Variants in EIF4E3 observed in about 807,000 individuals in gnomAD.
EIF4E3 encodes eukaryotic translation initiation factor 4E family member 3, also known as eukaryotic translation initiation factor 4E type 3.
A neutral mutation model predicts 31.7 loss-of-function variants in EIF4E3; 26 were observed. That is an observed-to-expected ratio of 0.82 (90% CI 0.60 to 1.14). EIF4E3 has a LOEUF of 1.14. EIF4E3 is among the 50% of genes most tolerant of loss of function. EIF4E3 has a pLI of 0.00. For missense variants in EIF4E3, 304 were observed against 270.9 expected, an observed-to-expected ratio of 1.12 and a Z score of -0.86; for synonymous variants, 128 against 107.7, an observed-to-expected ratio of 1.19 and a Z score of -1.17.
chr3:71,720,702 G>T (rs888945441), intron 1 of EIF4E3, among the ~76,000 whole-genome samples: 1 of 152,170 alleles, frequency 6.6e-6, no homozygotes, highest in Non-Finnish European at 1.5e-5. Context: ...GGTAAGATAA[G>T]GCGTATGTTT....
intron 5 of EIF4E3, among the ~76,000 whole-genome samples, chr3:71,691,917 T>C (rs6767160): frequency 0.11 from 16,368 of 152,178 alleles, 1,299 homozygotes; most frequent in African/African-American, 0.22. Context: ...CTTTCAAGAG[T>C]GGCCATGAAG....
At chr3:71,746,839 G>A (rs115990441) in intron 1 of EIF4E3, among the ~76,000 whole-genome samples, 1 of 152,064 alleles carries the variant, frequency 6.6e-6, no homozygotes, top group African/African-American at 2.4e-5. Context: ...TATCACTATG[G>A]ATTTACCTGT....
intron 6 of EIF4E3, among the ~76,000 whole-genome samples, chr3:71,685,574 G>C (rs1292681742): frequency 6.6e-6 from 1 of 152,116 alleles, no homozygotes; most frequent in Non-Finnish European, 1.5e-5. Flanking sequence ...TGTTGGACAG[G>C]CTGGTCTGGA....
chr3:71,747,156 G>A (rs915149300), intron 1 of EIF4E3, among the ~76,000 whole-genome samples: 3 of 152,148 alleles, frequency 2.0e-5, no homozygotes, highest in South Asian at 4.1e-4. Flanking sequence ...GGCGTGAAAT[G>A]GCTAGGTCAT....
chr3:71,659,573 G>A, the EIF4E3 span, among the ~76,000 whole-genome samples: 1 of 152,206 alleles, frequency 6.6e-6, no homozygotes, highest in Admixed American at 6.5e-5. Flanking sequence ...TCTGAGGATA[G>A]GGGTGGAAGG....
chr3:71,670,653 T>C (rs1217971547), downstream of EIF4E3, among the ~76,000 whole-genome samples: 1 of 152,190 alleles, frequency 6.6e-6, no homozygotes, highest in Non-Finnish European at 1.5e-5. Flanking sequence ...GTTTCTGGAT[T>C]CTACTGTAGA....
At chr3:71,711,482 C>T (rs1027988490) in intron 1 of EIF4E3, among the ~76,000 whole-genome samples, 9 of 152,190 alleles carry the variant, frequency 5.9e-5, no homozygotes, top group African/African-American at 1.7e-4. Context: ...ATCCCAGAGA[C>T]GTTGCCCCCA....
At chr3:71,745,060 C>T (rs955179416) in intron 1 of EIF4E3, among the ~76,000 whole-genome samples, 5 of 152,180 alleles carry the variant, frequency 3.3e-5, no homozygotes, top group African/African-American at 1.2e-4. Flanking sequence ...ACTGCAAGTT[C>T]ACATGGGAGT....
chr3:71,745,251 AG>A (rs2049859679), intron 1 of EIF4E3, among the ~76,000 whole-genome samples: 1 of 152,236 alleles, frequency 6.6e-6, no homozygotes, highest in African/African-American at 2.4e-5. Context: ...CTGGTGGCAT[AG>A]GAAAAATTTA....
At chr3:71,710,524 A>T in intron 1 of EIF4E3, 40 bp from the exon 2 acceptor site, 1 of 1,546,726 alleles carries the variant, frequency 6.5e-7, no homozygotes, top group Non-Finnish European at 8.8e-7. Context: ...AAACAAAACA[A>T]GCAGTCAGTG....
intron 2 of EIF4E3, among the ~76,000 whole-genome samples, chr3:71,708,657 T>C (rs1024142182): frequency 6.6e-6 from 1 of 152,078 alleles, no homozygotes; most frequent in South Asian, 2.1e-4. Context: ...ATAACCCTGA[T>C]GATCTAATGT....
chr3:71,712,644 G>GGGGGGGGGGGGA (rs35405190), intron 1 of EIF4E3, among the ~76,000 whole-genome samples: 1 of 123,988 alleles, frequency 8.1e-6, no homozygotes, highest in Non-Finnish European at 1.6e-5. Context: ...GTGGGCGGGG[G>GGGGGGGGGGGGA]AGATTCTAGG....
chr3:71,724,749 G>C (rs1420126766), intron 1 of EIF4E3, among the ~76,000 whole-genome samples: 2 of 152,174 alleles, frequency 1.3e-5, no homozygotes, highest in African/African-American at 4.8e-5. Flanking sequence ...CACCTCCCAA[G>C]GGATGGGCAA....
chr3:71,725,088 C>T lies in EIF4E3; in HGVS notation c.176+104G>A, dbSNP rs552717868. The T allele has an allele frequency of 1.6e-4, 144 of 881,868 alleles. No individual in the cohort carries two copies. In the African/African-American group the frequency reaches 2.6e-3, roughly 16 times the overall value. 54.6% of individuals were successfully genotyped at this position (881,868 alleles called of 1,614,324 possible). A position where few individuals can be genotyped will look rare whatever the true frequency, so the allele number is the denominator to read the frequency against. On this transcript the variant is annotated intron_variant, in intron 1 of 6. Coordinates refer to ENST00000425534, the MANE Select transcript of EIF4E3 (RefSeq NM_001134651.2). This position sits in a 1 kb window ranked among gnomAD's most constrained non-coding sequence, Gnocchi z 6.1. Reference sequence around the variant, plus strand: ...ACGCGCGGAGGGGCCGAGGTCTGTGCCACAGCGGAGCGGGGCCGGGGCGAG... The same window carrying T: ...ACGCGCGGAGGGGCCGAGGTCTGTGTCACAGCGGAGCGGGGCCGGGGCGAG...
At chr3:71,707,021 T>A (rs371726339) in intron 2 of EIF4E3, among the ~76,000 whole-genome samples, 31 of 152,310 alleles carry the variant, frequency 2.0e-4, no homozygotes, top group East Asian at 9.6e-4. Flanking sequence ...TACACCTCTG[T>A]GTTAGTGGTG....
chr3:71,671,243 G>A (rs549260122), downstream of EIF4E3, among the ~76,000 whole-genome samples: 6 of 152,256 alleles, frequency 3.9e-5, no homozygotes, highest in African/African-American at 1.2e-4. Context: ...CTCTGCTGGA[G>A]AGCAGAGAAC....
At chr3:71,733,677 G>A (rs753682108) in intron 1 of EIF4E3, among the ~76,000 whole-genome samples, 2 of 152,144 alleles carry the variant, frequency 1.3e-5, no homozygotes, top group African/African-American at 2.4e-5. Flanking sequence ...TACTGCTCAT[G>A]TACTGGGAAG....
At chr3:71,669,389 C>T in the EIF4E3 span, among the ~76,000 whole-genome samples, 1 of 152,090 alleles carries the variant, frequency 6.6e-6, no homozygotes, top group Non-Finnish European at 1.5e-5. Flanking sequence ...TATCCCAGAA[C>T]TTAAAGTATA....
chr3:71,671,532 C>T (rs2048847751), downstream of EIF4E3, among the ~76,000 whole-genome samples: 1 of 152,136 alleles, frequency 6.6e-6, no homozygotes, highest in Non-Finnish European at 1.5e-5. Flanking sequence ...TAAAAACTGC[C>T]TGTCAGGATC....
Sources: gnomAD v4.1 joint callset for allele counts (sites outside exome capture counted in the v4.1 genomes callset) on GRCh38, gnomAD v4.1.1 for gene constraint, Gnocchi (gnomAD v3.1) non-coding constraint, MANE v1.5 for transcripts, NCBI Gene and HGNC (gene_info 2026-07-23, HGNC 2026-07-21) for gene names.